PRKN: variants seen among roughly 807,000 people sequenced by gnomAD.
The protein encoded by PRKN is parkin RBR E3 ubiquitin protein ligase, also known as E3 ubiquitin-protein ligase parkin.
In PRKN, 56 loss-of-function variants were observed where a neutral mutation model predicts 59.5. The ratio of observed to expected loss-of-function variants is 0.94; its 90% CI spans 0.76 to 1.18. The LOEUF is 1.18. Ranked by LOEUF, PRKN falls within the 50% of genes most tolerant of loss-of-function variation. PRKN has a pLI of 0.00. For synonymous variants in PRKN, 250 were observed against 222.1 expected (o/e 1.13, Z -1.12); for missense variants, 657 against 596.4 (o/e 1.10, Z -1.06).
chr6:161,875,013 A>G (rs1794665344), intron 6 of PRKN, among the ~76,000 whole-genome samples: 1 of 110,284 alleles, frequency 9.1e-6, no homozygotes, highest in Non-Finnish European at 1.6e-5. Flanking sequence ...ATTATATATT[A>G]TATATAAAGT....
chr6:162,472,314 C>A (rs1234135459), intron 1 of PRKN, among the ~76,000 whole-genome samples: 1 of 151,022 alleles, frequency 6.6e-6, no homozygotes, highest in Non-Finnish European at 1.5e-5. Context: ...ATTAACTCAT[C>A]ATTTACATTA....
intron 6 of PRKN, among the ~76,000 whole-genome samples, chr6:161,797,694 A>G (rs934112234): frequency 6.6e-6 from 1 of 152,246 alleles, no homozygotes; most frequent in African/African-American, 2.4e-5. Context: ...AAATGTCTCA[A>G]CATGAGAAGG....
intron 7 of PRKN, among the ~76,000 whole-genome samples, chr6:161,601,704 TC>T (rs1311545336): frequency 1.3e-5 from 2 of 150,844 alleles, no homozygotes; most frequent in African/African-American, 4.9e-5. Context: ...TGCCTCAGCC[TC>T]CCGAGTAGCT....
intron 6 of PRKN, among the ~76,000 whole-genome samples, chr6:161,842,107 A>G (rs2128220822): frequency 6.6e-6 from 1 of 152,250 alleles, no homozygotes; most frequent in South Asian, 2.1e-4. Context: ...GCTTGTCCTC[A>G]GGTTGCATTT....
At position 162,537,582 on chromosome 6, in the gene PRKN, G is replaced by A. The variant is rs185491060; in HGVS notation, c.8-94109C>T. On this transcript the variant is annotated intron_variant, in intron 1 of 11. Coordinates refer to ENST00000366898, the MANE Select transcript of PRKN (RefSeq NM_004562.3). The stretch of plus-strand genomic sequence containing the variant: ...GCCACCTCCTCCAAGGCAATCTGCC[G>A]GCAGGGATCTCCCTGTCTCTGTACT... Among the ~76,000 whole-genome samples, 20 of 152,234 alleles carry A rather than the reference G, an allele frequency of 1.3e-4. 1 individual carries two copies. The East Asian group carries it at 1.9e-3, about 15-fold the overall frequency.
At chr6:162,231,795 A>G (rs1023912241) in intron 3 of PRKN, among the ~76,000 whole-genome samples, 3 of 152,190 alleles carry the variant, frequency 2.0e-5, no homozygotes, top group Non-Finnish European at 4.4e-5. Context: ...GCTGTCCCAA[A>G]TGATTAACTA....
intron 1 of PRKN, among the ~76,000 whole-genome samples, chr6:162,684,910 C>A (rs528478368): frequency 1.3e-5 from 2 of 152,244 alleles, no homozygotes; most frequent in East Asian, 3.9e-4. Flanking sequence ...AATAGAACTT[C>A]ATCGGACCTT....
intron 6 of PRKN, among the ~76,000 whole-genome samples, chr6:161,851,437 G>C (rs1793429251): frequency 6.6e-6 from 1 of 151,970 alleles, no homozygotes; most frequent in Non-Finnish European, 1.5e-5. Context: ...TTATGTTTCA[G>C]AAGCTTTTCA....
chr6:161,947,833 T>C (rs1016533581), intron 6 of PRKN, among the ~76,000 whole-genome samples: 2 of 152,230 alleles, frequency 1.3e-5, no homozygotes, highest in Non-Finnish European at 2.9e-5. Flanking sequence ...TTACCTAATA[T>C]GTACCTTGTA....
chr6:161,837,575 T>TA (rs550173775), intron 6 of PRKN, among the ~76,000 whole-genome samples: 7,499 of 136,924 alleles, frequency 0.055, 491 homozygotes, highest in African/African-American at 0.17. Context: ...TTTTTTCCTT[T>TA]AAAAAAAAAA....
At position 161,678,216 on chromosome 6, in the gene PRKN, C is replaced by CTTTTTTTTTTTTTTT. The variant is rs3066554; in HGVS notation, c.871+107541_871+107555dup. On this transcript the variant is annotated intron_variant, in intron 7 of 11. Transcript: ENST00000366898. ...TTATGGTAATAACAATACTGAATCA[C>CTTTTTTTTTTTTTTT]TTTTTTTTTTTTTTTTTTTTTTTTT... Among the ~76,000 whole-genome samples, 6 of 64,940 alleles carry CTTTTTTTTTTTTTTT rather than the reference C, an allele frequency of 9.2e-5. 1 individual carries two copies. Among genetic ancestry groups the CTTTTTTTTTTTTTTT allele is most frequent in the African/African-American group, 4.7e-4 (6 of 12,676 alleles). The allele number at this position is 64,940 out of a possible 152,430, so 42.6% of individuals were successfully genotyped here. A position where few individuals can be genotyped will look rare whatever the true frequency, so the allele number is the denominator to read the frequency against.
chr6:162,111,231 C>T (rs1311577108), intron 4 of PRKN, among the ~76,000 whole-genome samples: 1 of 152,008 alleles, frequency 6.6e-6, no homozygotes, highest in Non-Finnish European at 1.5e-5. Context: ...TTTGGGAGGC[C>T]AAGGTGGGCA....
intron 1 of PRKN, among the ~76,000 whole-genome samples, chr6:162,523,921 G>A (rs1238222033): frequency 1.8e-4 from 28 of 152,068 alleles, no homozygotes; most frequent in Admixed American, 1.8e-3. Flanking sequence ...AAAAGGAAGA[G>A]TAAGGATAGT....
intron 1 of PRKN, among the ~76,000 whole-genome samples, chr6:162,572,130 T>A (rs769271863): frequency 6.6e-6 from 1 of 152,210 alleles, no homozygotes; most frequent in Non-Finnish European, 1.5e-5. Flanking sequence ...CTTTAGGTAC[T>A]GTCTCACCTG....
chr6:161,442,858 A>G lies in PRKN; in HGVS notation c.1084-55981T>C, dbSNP rs1789304974. 6.6e-6 allele frequency among the ~76,000 whole-genome samples: 1 copy of G among 152,094 alleles called. No homozygotes were observed. The highest frequency in any genetic ancestry group is 2.1e-4 in the South Asian group (1 of 4,824). On this transcript the variant is annotated intron_variant, in intron 9 of 11. Transcript: ENST00000366898. The surrounding 1 kb of genome is among the most constrained non-coding windows in gnomAD (Gnocchi z 4.6). Reference sequence around the variant, plus strand: ...AACTAAACATAACATTTATATCACTATCTGTCAGCAGTTTAACATAAACCC... The same window carrying G: ...AACTAAACATAACATTTATATCACTGTCTGTCAGCAGTTTAACATAAACCC...
chr6:162,144,622 T>TA lies in PRKN; in HGVS notation c.534+56508_534+56509insT, dbSNP rs558271097. Among the ~76,000 whole-genome samples, 27 of 152,296 alleles carry TA rather than the reference T, an allele frequency of 1.8e-4. No individual in the cohort carries two copies. The East Asian group carries it at 4.8e-3, about 27-fold the overall frequency. On this transcript the variant is annotated intron_variant, in intron 4 of 11. Transcript: ENST00000366898. Reference sequence around the variant, plus strand: ...ACAGGCCCACCCCCAGGTCAACCTTTGGTTGTAGCTTCACCACTGCAGAGG... The same window carrying TA: ...ACAGGCCCACCCCCAGGTCAACCTTTAGGTTGTAGCTTCACCACTGCAGAGG...
intron 6 of PRKN, among the ~76,000 whole-genome samples, chr6:161,908,220 T>C (rs140264026): frequency 6.6e-6 from 1 of 152,278 alleles, no homozygotes; most frequent in East Asian, 1.9e-4. Flanking sequence ...GTCAATGACC[T>C]GGGGAGCACG....
At position 162,235,965 on chromosome 6, in the gene PRKN, G is replaced by GAAAAAGAAAGAAAGAAAGAAAGAAAGA. The variant is rs751590630; in HGVS notation, c.412+26559_412+26560insTCTTTCTTTCTTTCTTTCTTTCTTTTT. ...AGGAAGGAAGGAAGAAAGGAAGAAA[G>GAAAAAGAAAGAAAGAAAGAAAGAAAGA]AAAGAAAGAAAGAAAGAAAGAAAGA... On this transcript the variant is annotated intron_variant, in intron 3 of 11. Coordinates refer to ENST00000366898, the MANE Select transcript of PRKN (RefSeq NM_004562.3). 1.1e-4 allele frequency among the ~76,000 whole-genome samples: 10 copies of GAAAAAGAAAGAAAGAAAGAAAGAAAGA among 93,678 alleles called. 1 individual carries two copies. In the South Asian group the frequency reaches 5.5e-3, roughly 51 times the overall value. The allele number at this position is 93,678 out of a possible 152,430, so 61.5% of individuals were successfully genotyped here.
rs879583500 is a variant in PRKN at position 161,448,751 on chromosome 6, C to G, written c.1084-61874G>C. Among the ~76,000 whole-genome samples, 7 of 152,222 alleles carry G rather than the reference C, an allele frequency of 4.6e-5. No individual in the cohort carries two copies. Among genetic ancestry groups the G allele is most frequent in the Admixed American group, 1.3e-4 (2 of 15,282 alleles). On this transcript the variant is annotated intron_variant, in intron 9 of 11. Transcript: ENST00000366898. The surrounding 1 kb of genome is among the most constrained non-coding windows in gnomAD (Gnocchi z 5.1). ...AGGCACTCCCTGCAGATCTGGGAAG[C>G]CATGAGCCACAGGAGCATTAGCTGT...
Sources: allele counts gnomAD v4.1 joint callset (sites outside exome capture counted in the v4.1 genomes callset), GRCh38; gene constraint gnomAD v4.1.1; non-coding constraint Gnocchi (gnomAD v3.1); transcripts MANE v1.5; gene names NCBI Gene and HGNC (gene_info 2026-07-23, HGNC 2026-07-21).